The following C8orf34 variants were observed in gnomAD, a reference collection of about 807,000 sequenced individuals.
The protein encoded by C8orf34 is uncharacterized protein C8orf34.
Under a neutral mutation model 68.3 loss-of-function variants are expected in C8orf34, and 65 were observed. The observed-to-expected ratio is 0.95, with a 90% CI of 0.78 to 1.17. The LOEUF (loss-of-function observed/expected upper bound fraction) is 1.17. C8orf34 is among the 50% of genes most tolerant of loss of function. The pLI is 0.00. For synonymous variants in C8orf34, 244 were observed against 241.2 expected, an observed-to-expected ratio of 1.01 and a Z score of -0.11; for missense variants, 664 against 655.4, an observed-to-expected ratio of 1.01 and a Z score of -0.14.
intron 7 of C8orf34, chr8:68,533,400 G>C: frequency 8.5e-7 from 1 of 1,170,562 alleles, no homozygotes; most frequent in Non-Finnish European, 1.1e-6. Context: ...TTCTGACTAC[G>C]TAATGAAGCG....
At chr8:68,378,507 C>G (rs1052917865) in intron 1 of C8orf34, among the ~76,000 whole-genome samples, 1 of 152,034 alleles carries the variant, frequency 6.6e-6, no homozygotes, top group African/African-American at 2.4e-5. Context: ...AGGCTTGTCT[C>G]GAACTCCTGG....
At chr8:68,747,236 A>G (rs1010658400) in intron 10 of C8orf34, among the ~76,000 whole-genome samples, 7 of 151,706 alleles carry the variant, frequency 4.6e-5, no homozygotes, top group African/African-American at 1.7e-4. Flanking sequence ...GACGTATTTC[A>G]AAATAATAAG....
In C8orf34 at chr8:68,640,789, G is replaced by A. The variant is rs147358594; in HGVS notation, c.1241+278G>A. Among the ~76,000 whole-genome samples, 18 of 152,192 alleles carry A rather than the reference G, an allele frequency of 1.2e-4. No homozygotes were observed. In the East Asian group the frequency reaches 1.7e-3, roughly 15 times the overall value. ...AATTTCATTCACTGTCCACCATTCC[G>A]TTCTCTTTCAAAGAAAATTTAACAG... On this transcript the variant is annotated intron_variant, in intron 8 of 13. Transcript: ENST00000518698.
chr8:68,333,730 G>A (rs933943085), intron 1 of C8orf34, among the ~76,000 whole-genome samples: 3 of 152,178 alleles, frequency 2.0e-5, no homozygotes, highest in African/African-American at 7.2e-5. Context: ...TTTAGAAGCA[G>A]CACAAATGTT....
At chr8:68,809,912 C>T (rs1824596089) in intron 12 of C8orf34, among the ~76,000 whole-genome samples, 1 of 152,132 alleles carries the variant, frequency 6.6e-6, no homozygotes, top group Admixed American at 6.5e-5. Context: ...AAGAAGAGCT[C>T]TAAGCACAGA....
At chr8:68,740,404 G>GA (rs908640441) in intron 10 of C8orf34, among the ~76,000 whole-genome samples, 1 of 151,168 alleles carries the variant, frequency 6.6e-6, no homozygotes, top group Non-Finnish European at 1.5e-5. Context: ...AAATTTACAA[G>GA]AAAAAAAACC....
At chr8:68,588,415 T>C (rs1393392862) in intron 7 of C8orf34, among the ~76,000 whole-genome samples, 3 of 152,172 alleles carry the variant, frequency 2.0e-5, no homozygotes, top group African/African-American at 7.2e-5. Flanking sequence ...AATATTAACA[T>C]TTTCAACACA....
chr8:68,504,203 CTGT>C (rs1813903510), intron 5 of C8orf34, among the ~76,000 whole-genome samples: 1 of 152,230 alleles, frequency 6.6e-6, no homozygotes, highest in Non-Finnish European at 1.5e-5. Flanking sequence ...CCTTTTGTGA[CTGT>C]TTTCTTTTAC....
intron 1 of C8orf34, among the ~76,000 whole-genome samples, chr8:68,424,116 C>T (rs867066050): frequency 9.2e-5 from 14 of 152,076 alleles, no homozygotes; most frequent in Non-Finnish European, 1.8e-4. Flanking sequence ...CTTCTTCCCT[C>T]CCCCCTGCCC....
intron 10 of C8orf34, among the ~76,000 whole-genome samples, chr8:68,761,702 A>G (rs944409516): frequency 1.1e-4 from 17 of 152,170 alleles, no homozygotes; most frequent in Non-Finnish European, 2.1e-4. Flanking sequence ...CAGTTCACCC[A>G]CTAACAGCCT....
intron 7 of C8orf34, among the ~76,000 whole-genome samples, chr8:68,582,885 T>C (rs1022539919): frequency 6.6e-6 from 1 of 152,108 alleles, no homozygotes; most frequent in Non-Finnish European, 1.5e-5. Flanking sequence ...AGGCAGATTA[T>C]GGAAAGATAA....
chr8:68,780,342 T>C (rs1368848064), intron 11 of C8orf34, among the ~76,000 whole-genome samples: 2 of 152,186 alleles, frequency 1.3e-5, no homozygotes, highest in Non-Finnish European at 2.9e-5. Flanking sequence ...TACAAATTCA[T>C]ACTACAATTT....
At chr8:68,569,602 A>G (rs564257784) in intron 7 of C8orf34, among the ~76,000 whole-genome samples, 4 of 152,312 alleles carry the variant, frequency 2.6e-5, no homozygotes, top group Admixed American at 1.3e-4. Context: ...CTACTGCTTC[A>G]TATCCTCTTC....
At chr8:68,507,902 GGTAGT>G (rs1163578067) in intron 5 of C8orf34, among the ~76,000 whole-genome samples, 2 of 152,068 alleles carry the variant, frequency 1.3e-5, no homozygotes, top group African/African-American at 2.4e-5. Context: ...TTTAATTACT[GGTAGT>G]TTAGGTGTTG....
chr8:68,337,449 C>A (rs556438751), intron 1 of C8orf34, among the ~76,000 whole-genome samples: 1 of 152,166 alleles, frequency 6.6e-6, no homozygotes, highest in Non-Finnish European at 1.5e-5. Flanking sequence ...TCATGAGGGT[C>A]AAGAGAGGCC....
At chr8:68,779,798 T>A (rs1167340449) in intron 11 of C8orf34, among the ~76,000 whole-genome samples, 1 of 152,126 alleles carries the variant, frequency 6.6e-6, no homozygotes, top group Admixed American at 6.5e-5. Context: ...ATTTAAATAA[T>A]TATTAATTAT....
chr8:68,794,508 T>A (rs60469878), intron 12 of C8orf34, among the ~76,000 whole-genome samples: 3,294 of 105,150 alleles, frequency 0.031, 186 homozygotes, highest in African/African-American at 0.065. Flanking sequence ...TATATATATT[T>A]TTTTTTTTTT....
chr8:68,392,713 C>T (rs2255882), intron 1 of C8orf34, among the ~76,000 whole-genome samples: 15,049 of 151,970 alleles, frequency 0.099, 777 homozygotes, highest in Middle Eastern at 0.12. Flanking sequence ...CCACTTGAAA[C>T]GAGAGTGACC....
At chr8:68,644,759 C>G (rs1489909800) in intron 8 of C8orf34, among the ~76,000 whole-genome samples, 1 of 152,092 alleles carries the variant, frequency 6.6e-6, no homozygotes, top group Non-Finnish European at 1.5e-5. Context: ...GTCTTGAGAG[C>G]CAGGTAATCC....
Sources: allele counts gnomAD v4.1 joint callset (sites outside exome capture counted in the v4.1 genomes callset), GRCh38; gene constraint gnomAD v4.1.1; transcripts MANE v1.5; gene names NCBI Gene and HGNC (gene_info 2026-07-23, HGNC 2026-07-21).